The following HIVEP3 variants were observed in gnomAD, a reference collection of about 807,000 sequenced individuals.
HIVEP3 encodes HIVEP zinc finger 3.
Under a neutral mutation model 152.8 loss-of-function variants are expected in HIVEP3, and 49 were observed. That is an observed-to-expected ratio of 0.32 (90% confidence interval 0.26 to 0.41). The LOEUF (loss-of-function observed/expected upper bound fraction) is 0.41. Among genes scored for constraint, HIVEP3 ranks in the 10% least tolerant of loss-of-function variants. HIVEP3 has a pLI of 1.00. For missense variants in HIVEP3, 2,790 were observed against 3,103.3 expected (o/e 0.90, Z 2.40); for synonymous variants, 1,269 against 1,289.0 (o/e 0.98, Z 0.33).
intron 2 of HIVEP3, among the ~76,000 whole-genome samples, chr1:41,642,093 C>T (rs572443837): frequency 6.6e-6 from 1 of 152,286 alleles, no homozygotes; most frequent in South Asian, 2.1e-4. Context: ...ATTTCCTGCC[C>T]CCACCCTGGC....
intron 1 of HIVEP3, among the ~76,000 whole-genome samples, chr1:41,714,241 A>G (rs894370040): frequency 7.9e-5 from 12 of 152,142 alleles, no homozygotes; most frequent in Non-Finnish European, 1.3e-4. Context: ...GTGGGGAGCA[A>G]GGGATGGGAA....
At chr1:41,526,471 C>T (rs1642917942) in intron 5 of HIVEP3, among the ~76,000 whole-genome samples, 2 of 140,314 alleles carry the variant, frequency 1.4e-5, no homozygotes, top group Non-Finnish European at 1.6e-5. Flanking sequence ...CACCCCCACA[C>T]TCACCTTCAC....
intron 5 of HIVEP3, among the ~76,000 whole-genome samples, chr1:41,540,739 G>A (rs931265565): frequency 1.3e-5 from 2 of 152,152 alleles, no homozygotes; most frequent in Non-Finnish European, 1.5e-5. Context: ...AGGAAGATCC[G>A]GGCTCCCTTT....
intron 1 of HIVEP3, among the ~76,000 whole-genome samples, chr1:41,741,590 C>A (rs1469909685): frequency 6.6e-6 from 1 of 152,228 alleles, no homozygotes; most frequent in Admixed American, 6.5e-5. Context: ...CCCTGTGTTA[C>A]ACAGAGAGGT....
chr1:41,651,832 A>G (rs959159350), intron 2 of HIVEP3, among the ~76,000 whole-genome samples: 9 of 152,072 alleles, frequency 5.9e-5, no homozygotes, highest in Admixed American at 5.9e-4. Flanking sequence ...TTAATTTACA[A>G]TCTTTGGTTT....
chr1:41,977,620 A>G (rs1645267581), intron 1 of HIVEP3, among the ~76,000 whole-genome samples: 1 of 152,248 alleles, frequency 6.6e-6, no homozygotes, highest in South Asian at 2.1e-4. Flanking sequence ...TCATCAGAAC[A>G]TCTGCGAATA....
chr1:41,525,026 G>C (rs1269037563), intron 5 of HIVEP3, 116 bp from the exon 6 acceptor site: 15 of 980,874 alleles, frequency 1.5e-5, no homozygotes, highest in Non-Finnish European at 2.3e-5. Flanking sequence ...GCAAGGAATG[G>C]AGGCCACGGA....
chr1:41,684,893 C>T (rs1385588169), intron 2 of HIVEP3, among the ~76,000 whole-genome samples: 33 of 152,222 alleles, frequency 2.2e-4, no homozygotes, highest in East Asian at 1.9e-4. Flanking sequence ...CATGGCCAGA[C>T]GTGAACCTGG....
At chr1:41,906,687 T>TTA (rs1014544618) in intron 1 of HIVEP3, among the ~76,000 whole-genome samples, 1 of 152,182 alleles carries the variant, frequency 6.6e-6, no homozygotes, top group Non-Finnish European at 1.5e-5. Flanking sequence ...TACATGTAAA[T>TTA]TATACTCAAT....
At chr1:42,007,251 T>C (rs1645465312) in intron 1 of HIVEP3, among the ~76,000 whole-genome samples, 1 of 152,144 alleles carries the variant, frequency 6.6e-6, no homozygotes, top group Non-Finnish European at 1.5e-5. Context: ...GACCGTGAGG[T>C]AGGGATGTGA....
chr1:41,981,917 G>A (rs1645296176), intron 1 of HIVEP3, among the ~76,000 whole-genome samples: 1 of 152,162 alleles, frequency 6.6e-6, no homozygotes, highest in Admixed American at 6.5e-5. Context: ...GGGCTGCAGA[G>A]GGGTTCTGCT....
intron 1 of HIVEP3, among the ~76,000 whole-genome samples, chr1:41,891,073 T>A (rs1644439036): frequency 6.6e-6 from 1 of 152,176 alleles, no homozygotes; most frequent in African/African-American, 2.4e-5. Flanking sequence ...CACTGCCACC[T>A]GACCACACAG....
chr1:41,819,155 T>G lies in HIVEP3; in HGVS notation c.-801+99258A>C, dbSNP rs529165356. 1.1e-4 allele frequency among the ~76,000 whole-genome samples: 16 copies of G among 152,324 alleles called. No individual in the cohort carries two copies. In the South Asian group the frequency reaches 2.9e-3, roughly 28 times the overall value. ...CCTTTTTTTTGTTTATTTGCAGATT[T>G]TATTTCATGTCTGTGTGTGTATGTG... On this transcript the variant is annotated intron_variant, in intron 1 of 8. Coordinates refer to ENST00000372583, the MANE Select transcript of HIVEP3 (RefSeq NM_024503.5).
intron 1 of HIVEP3, among the ~76,000 whole-genome samples, chr1:41,994,969 C>T (rs991485131): frequency 4.0e-5 from 6 of 151,710 alleles, no homozygotes; most frequent in African/African-American, 1.5e-4. Flanking sequence ...TTAGAAATTA[C>T]CTAAAATATT....
chr1:42,010,383 G>A (rs1390976283), intron 1 of HIVEP3, among the ~76,000 whole-genome samples: 1 of 152,068 alleles, frequency 6.6e-6, no homozygotes, highest in Admixed American at 6.6e-5. Flanking sequence ...TGTTGCTGAA[G>A]GACTGTAGAT....
chr1:41,573,265 T>C (rs1558072662), intron 5 of HIVEP3, among the ~76,000 whole-genome samples: 1 of 152,220 alleles, frequency 6.6e-6, no homozygotes, highest in South Asian at 2.1e-4. Flanking sequence ...CAAGAGGTTG[T>C]AAGGCTGGTG....
intron 1 of HIVEP3, among the ~76,000 whole-genome samples, chr1:42,026,412 T>G (rs556615714): frequency 6.6e-6 from 1 of 152,354 alleles, no homozygotes; most frequent in East Asian, 1.9e-4. Flanking sequence ...TCTCCTCATC[T>G]CTTTAGTGCT....
At chr1:41,681,866 T>C in intron 2 of HIVEP3, among the ~76,000 whole-genome samples, 1 of 152,222 alleles carries the variant, frequency 6.6e-6, no homozygotes, top group East Asian at 1.9e-4. Context: ...TCTGACTATG[T>C]GCAAATTCCG....
chr1:41,659,296 C>T (rs750498775), intron 2 of HIVEP3, among the ~76,000 whole-genome samples: 5 of 152,204 alleles, frequency 3.3e-5, no homozygotes, highest in Admixed American at 2.0e-4. Context: ...TGGGCCCCCA[C>T]GTGTAGCTTC....
Sources: gnomAD v4.1 joint callset for allele counts (sites outside exome capture counted in the v4.1 genomes callset) on GRCh38, gnomAD v4.1.1 for gene constraint, MANE v1.5 for transcripts, NCBI Gene and HGNC (gene_info 2026-07-23, HGNC 2026-07-21) for gene names.